Variants in FRMD3 observed in about 807,000 individuals in gnomAD.
The protein encoded by FRMD3 is FERM domain containing 3.
Under a neutral mutation model 70.2 loss-of-function variants are expected in FRMD3, and 33 were observed. That is an observed-to-expected ratio of 0.47 (90% CI 0.36 to 0.63). The LOEUF (loss-of-function observed/expected upper bound fraction) is 0.63, where lower values mean the gene tolerates loss of function less well. FRMD3 is among the 20% of genes least tolerant of loss of function. The pLI is 0.00. For synonymous variants in FRMD3, 279 were observed against 255.9 expected (o/e 1.09, Z -0.86); for missense variants, 632 against 711.4 (o/e 0.89, Z 1.27).
rs967992022 is a variant in FRMD3 at position 83,297,695 on chromosome 9, A to C, written c.1070+1053T>G. ...AACATGCCTGGAGCCAAGATTCTCC[A>C]GCTTCTCTCATCCTGTAGTCTTCTG... On this transcript the variant is annotated intron_variant, in intron 12 of 13. Coordinates refer to ENST00000304195, the MANE Select transcript of FRMD3 (RefSeq NM_174938.6). 3.6e-5 allele frequency: 17 copies of C among 469,340 alleles called. 1 individual carries two copies. The highest frequency in any genetic ancestry group is 6.5e-4 in the Middle Eastern group (2 of 3,064). 29.1% of individuals were successfully genotyped at this position (469,340 alleles called of 1,614,324 possible).
At chr9:83,360,828 A>C (rs1824558370) in intron 3 of FRMD3, among the ~76,000 whole-genome samples, 1 of 152,214 alleles carries the variant, frequency 6.6e-6, no homozygotes, top group Non-Finnish European at 1.5e-5. Flanking sequence ...TGCATGCTAT[A>C]AAATTAAGGG....
chr9:83,417,530 T>C (rs1826492674), intron 1 of FRMD3, among the ~76,000 whole-genome samples: 2 of 152,210 alleles, frequency 1.3e-5, no homozygotes, highest in African/African-American at 2.4e-5. Context: ...ATGGAAACAG[T>C]TCTATAGAGA....
At chr9:83,446,420 G>A (rs1827465630) in intron 1 of FRMD3, among the ~76,000 whole-genome samples, 2 of 152,128 alleles carry the variant, frequency 1.3e-5, no homozygotes, top group African/African-American at 2.4e-5. Context: ...GGCCGAGGCG[G>A]GCGGATCACA....
intron 6 of FRMD3, among the ~76,000 whole-genome samples, chr9:83,332,852 T>G (rs572728270): frequency 1.3e-5 from 2 of 152,330 alleles, no homozygotes; most frequent in South Asian, 4.1e-4. Flanking sequence ...ACGGGTGTTG[T>G]GGTGACTCTG....
At chr9:83,298,966 C>T (rs1443630948) in intron 11 of FRMD3, 146 bp downstream of exon 11, 2 of 971,338 alleles carry the variant, frequency 2.1e-6, no homozygotes, top group South Asian at 1.3e-5. Flanking sequence ...TGAGGGTGCC[C>T]TGTGAGCATA....
chr9:83,274,250 A>G (rs1833718236), intron 13 of FRMD3, among the ~76,000 whole-genome samples: 1 of 152,184 alleles, frequency 6.6e-6, no homozygotes, highest in Non-Finnish European at 1.5e-5. Context: ...CAGGACTTCT[A>G]TTTAATCTTA....
At chr9:83,582,226 T>C in the FRMD3 span, among the ~76,000 whole-genome samples, 2 of 152,166 alleles carry the variant, frequency 1.3e-5, no homozygotes, top group East Asian at 1.9e-4. Flanking sequence ...TATGAGTCAC[T>C]GCATCCAGCC....
At chr9:83,327,118 G>T (rs1836049280) in intron 6 of FRMD3, among the ~76,000 whole-genome samples, 1 of 152,162 alleles carries the variant, frequency 6.6e-6, no homozygotes, top group Admixed American at 6.5e-5. Flanking sequence ...AGTGGTTCTG[G>T]TTCCCTCTGA....
intron 10 of FRMD3, among the ~76,000 whole-genome samples, chr9:83,308,632 G>A (rs1473550658): frequency 6.6e-6 from 1 of 152,188 alleles, no homozygotes; most frequent in Non-Finnish European, 1.5e-5. Flanking sequence ...GCGTCTCTCA[G>A]AGAAGAAGGT....
At chr9:83,316,988 T>C (rs552309116) in intron 6 of FRMD3, among the ~76,000 whole-genome samples, 71 of 152,214 alleles carry the variant, frequency 4.7e-4, no homozygotes, top group African/African-American at 1.6e-3. Context: ...GAGGATCACT[T>C]GAGCCCAGAA....
At chr9:83,575,550 A>C in the FRMD3 span, among the ~76,000 whole-genome samples, 2 of 152,168 alleles carry the variant, frequency 1.3e-5, no homozygotes, top group African/African-American at 4.8e-5. Context: ...GAATTCTCCC[A>C]CTATAAACTA....
chr9:83,428,706 T>C lies in FRMD3; in HGVS notation c.148-38998A>G, dbSNP rs190994110. On this transcript the variant is annotated intron_variant, in intron 1 of 13. Transcript: ENST00000304195. ...TAAGGTATAATCATTCCGCTGCAGT[T>C]GGAGAAGATGAAGTTGGGTGATGCC... Among the ~76,000 whole-genome samples, 6 of 152,294 alleles carry C rather than the reference T, an allele frequency of 3.9e-5. No homozygotes were observed. In the East Asian group the frequency reaches 1.2e-3, roughly 29 times the overall value.
chr9:83,313,767 G>A lies in FRMD3; in HGVS notation c.597-20C>T, dbSNP rs1165706065. ...TGCCCCCTAAAATCACACAAGAAAA[G>A]TTGAGGCAGTTAAAATGGAAAAGAA... On this transcript the variant is annotated intron_variant, in intron 6 of 13. Coordinates refer to ENST00000304195, the MANE Select transcript of FRMD3 (RefSeq NM_174938.6). The A allele has an allele frequency of 1.9e-6, 3 of 1,580,768 alleles. No homozygotes were observed. The South Asian group carries it at 3.3e-5, about 17-fold the overall frequency.
chr9:83,584,932 G>T, the FRMD3 span, among the ~76,000 whole-genome samples: 1 of 152,142 alleles, frequency 6.6e-6, no homozygotes, highest in South Asian at 2.1e-4. Flanking sequence ...GCCTCACAGG[G>T]GCTTGAAAGA....
At chr9:83,490,526 C>A (rs1306909210) in intron 1 of FRMD3, among the ~76,000 whole-genome samples, 1 of 152,072 alleles carries the variant, frequency 6.6e-6, no homozygotes, top group Non-Finnish European at 1.5e-5. Flanking sequence ...AAGTGATCTG[C>A]CCACCTCGGC....
At chr9:83,259,290 A>G (rs1034361705) in intron 13 of FRMD3, among the ~76,000 whole-genome samples, 2 of 152,154 alleles carry the variant, frequency 1.3e-5, no homozygotes, top group Non-Finnish European at 2.9e-5. Flanking sequence ...ATTTTAACAT[A>G]TTTTAAGTTT....
upstream of FRMD3, among the ~76,000 whole-genome samples, chr9:83,543,149 C>T (rs373329418): frequency 9.9e-5 from 15 of 151,764 alleles, no homozygotes; most frequent in Non-Finnish European, 1.9e-4. Context: ...ACCCAATCTC[C>T]CCAAAAAAGA....
intron 13 of FRMD3, among the ~76,000 whole-genome samples, chr9:83,254,255 A>AT (rs575252505): frequency 3.3e-4 from 50 of 152,300 alleles, no homozygotes; most frequent in African/African-American, 1.2e-3. Flanking sequence ...CCTAGAACTT[A>AT]AAGTATGATA....
intron 1 of FRMD3, among the ~76,000 whole-genome samples, chr9:83,507,359 T>A (rs1164464942): frequency 1.4e-5 from 1 of 71,278 alleles, no homozygotes; most frequent in Non-Finnish European, 2.6e-5. Context: ...AGAGCAAGAC[T>A]CCGTCTCAAA....
Sources: allele counts gnomAD v4.1 joint callset (sites outside exome capture counted in the v4.1 genomes callset), GRCh38; gene constraint gnomAD v4.1.1; transcripts MANE v1.5; gene names NCBI Gene and HGNC (gene_info 2026-07-23, HGNC 2026-07-21).